The following TECPR2 variants were observed in gnomAD, a reference collection of about 807,000 sequenced individuals.
TECPR2 encodes tectonin beta-propeller repeat-containing protein 2.
In TECPR2, 65 loss-of-function variants were observed where a neutral mutation model predicts 138.1. The observed-to-expected ratio is 0.47, with a 90% CI of 0.39 to 0.58. The LOEUF (loss-of-function observed/expected upper bound fraction) is 0.58, where lower values mean the gene tolerates loss of function less well. Ranked by LOEUF, TECPR2 falls within the 20% of genes least tolerant of loss-of-function variation. The pLI is 0.00. For synonymous variants in TECPR2, 746 were observed against 749.8 expected, an observed-to-expected ratio of 0.99 and a Z score of 0.08; for missense variants, 1,553 against 1,824.5, an observed-to-expected ratio of 0.85 and a Z score of 2.71.
rs375876069 is a variant in TECPR2, at chr14:102,449,568, CAG to C, written c.3076-56_3076-55del. The C allele has an allele frequency of 1.7e-4, 273 of 1,598,016 alleles. 4 individuals are homozygous for C. In the Middle Eastern group the frequency reaches 2.8e-3, roughly 16 times the overall value. On this transcript the variant is annotated intron_variant, in intron 13 of 19. Coordinates refer to ENST00000359520, the MANE Select transcript of TECPR2 (RefSeq NM_014844.5). ...CCTGAGCTAGAACCTTCCCTCAAGG[CAG>C]AGAGTCTACACTTGTAACTGCTCTG...
At chr14:102,382,957 C>T (rs1887878632) in intron 2 of TECPR2, among the ~76,000 whole-genome samples, 1 of 152,120 alleles carries the variant, frequency 6.6e-6, no homozygotes, top group Non-Finnish European at 1.5e-5. Context: ...GGGGTTTCAC[C>T]ACGTTGGCCA....
intron 2 of TECPR2, among the ~76,000 whole-genome samples, chr14:102,381,653 T>C (rs1210983874): frequency 6.6e-6 from 1 of 152,106 alleles, no homozygotes; most frequent in Non-Finnish European, 1.5e-5. Context: ...AAAGGTGAAA[T>C]GAAAGTATTA....
At position 102,428,244 on chromosome 14, in the gene TECPR2, T is replaced by TTTTAAA; in HGVS notation, c.952-6_952-5insTTTAAA. On this transcript the variant is annotated splice_polypyrimidine_tract_variant and splice_region_variant and intron_variant, in intron 6 of 19. Transcript: ENST00000359520. ...TTTGTTTTTTTTTTTTTTTTTTTTT[T>TTTTAAA]GACAGGCCACAGTTGCTGGTTTGGA... is the stretch of plus-strand genomic sequence containing the variant. 1 of 1,350,742 alleles carries TTTTAAA rather than the reference T, an allele frequency of 7.4e-7. No homozygotes were observed. The highest frequency in any genetic ancestry group is 9.8e-7 in the Non-Finnish European group (1 of 1,019,606). The allele number at this position is 1,350,742 out of a possible 1,614,324, so 83.7% of individuals were successfully genotyped here. A position where few individuals can be genotyped will look rare whatever the true frequency, so the allele number is the denominator to read the frequency against.
At chr14:102,457,869 C>CTTT (rs748372168) in intron 16 of TECPR2, among the ~76,000 whole-genome samples, 2,369 of 102,610 alleles carry the variant, frequency 0.023, 185 homozygotes, top group African/African-American at 0.041. Context: ...ACTAAATTCC[C>CTTT]TTTTTTTTTT....
Position 102,500,152 on chromosome 14 carries a change from G to C in TECPR2, c.*1895G>C, listed in dbSNP as rs1891405091. The C allele has an allele frequency of 6.6e-6, 1 of 152,670 alleles. No homozygotes were observed. Among genetic ancestry groups the C allele is most frequent in the African/African-American group, 2.4e-5 (1 of 41,464 alleles). The allele number at this position is 152,670 out of a possible 1,614,324, so 9.5% of individuals were successfully genotyped here. ...TAATTTTTAGTTGTGCTTTGAGTCAGTGCAATAAACTAGACTTTTTCCAAA... is the reference window on the plus strand; with the variant it reads ...TAATTTTTAGTTGTGCTTTGAGTCACTGCAATAAACTAGACTTTTTCCAAA... On this transcript the variant is annotated 3_prime_UTR_variant, in exon 20 of 20. Transcript: ENST00000359520.
At chr14:102,413,188 G>T (rs1372970775) in intron 4 of TECPR2, among the ~76,000 whole-genome samples, 1 of 151,902 alleles carries the variant, frequency 6.6e-6, no homozygotes, top group Non-Finnish European at 1.5e-5. Context: ...AAAATTCATA[G>T]AATTGTATAC....
intron 17 of TECPR2, chr14:102,465,761 A>G (rs1423187261): frequency 1.0e-5 from 6 of 581,526 alleles, no homozygotes; most frequent in South Asian, 7.6e-5. Flanking sequence ...AGCTCCTGCC[A>G]TGTTTCAGCT....
At chr14:102,430,706 G>A (rs1304833399) in intron 7 of TECPR2, among the ~76,000 whole-genome samples, 2 of 152,210 alleles carry the variant, frequency 1.3e-5, no homozygotes, top group African/African-American at 2.4e-5. Flanking sequence ...AAGCTCACTG[G>A]CCCTTGGGCT....
chr14:102,410,942 A>G (rs1185601407), intron 4 of TECPR2, among the ~76,000 whole-genome samples: 1 of 152,304 alleles, frequency 6.6e-6, no homozygotes, highest in African/African-American at 2.4e-5. Context: ...CTCTCTAATC[A>G]GATATCCTGA....
intron 2 of TECPR2, among the ~76,000 whole-genome samples, chr14:102,392,753 G>A (rs1888211424): frequency 6.6e-6 from 1 of 152,118 alleles, no homozygotes. Flanking sequence ...GATCGGGACT[G>A]CTCCACAGAT....
chr14:102,384,846 C>CTTT (rs58616138), intron 2 of TECPR2, among the ~76,000 whole-genome samples: 47 of 99,396 alleles, frequency 4.7e-4, no homozygotes, highest in African/African-American at 1.1e-3. Flanking sequence ...TTTTCCTTTC[C>CTTT]TTTTTTTTTT....
intron 17 of TECPR2, among the ~76,000 whole-genome samples, chr14:102,481,854 C>G (rs1016337856): frequency 6.6e-6 from 1 of 152,106 alleles, no homozygotes; most frequent in Admixed American, 6.6e-5. Context: ...CCCCGTCCCC[C>G]ATTCCCCCAG....
At chr14:102,400,172 A>G (rs2139684692) in intron 2 of TECPR2, among the ~76,000 whole-genome samples, 1 of 151,726 alleles carries the variant, frequency 6.6e-6, no homozygotes, top group Admixed American at 6.6e-5. Context: ...CAGCCTCCCA[A>G]GTAGCTGGGA....
Position 102,407,536 on chromosome 14 carries a change from T to A in TECPR2, c.348+70T>A, listed in dbSNP as rs1257983590. ...CCTCATGGATTTTTAAAATTAGAAA[T>A]CCTCATCTGCTTAGAAAGTTTATGC... is the stretch of plus-strand genomic sequence containing the variant. On this transcript the variant is annotated intron_variant, in intron 3 of 19. Coordinates refer to ENST00000359520, the MANE Select transcript of TECPR2 (RefSeq NM_014844.5). The A allele has an allele frequency of 2.6e-6, 4 of 1,515,620 alleles. No individual in the cohort carries two copies. The Admixed American group carries it at 6.2e-5, about 24-fold the overall frequency. 93.9% of individuals were successfully genotyped at this position (1,515,620 alleles called of 1,614,324 possible). A position where few individuals can be genotyped will look rare whatever the true frequency, so the allele number is the denominator to read the frequency against.
intron 2 of TECPR2, 30 bp from the exon 3 acceptor site, chr14:102,407,306 TAC>T: frequency 1.3e-6 from 2 of 1,569,240 alleles, no homozygotes; most frequent in Non-Finnish European, 1.7e-6. Flanking sequence ...CCTGCATAGT[TAC>T]AGATTCATTT....
chr14:102,422,985 C>T (rs141432242), intron 5 of TECPR2, among the ~76,000 whole-genome samples: 12 of 152,306 alleles, frequency 7.9e-5, no homozygotes, highest in Non-Finnish European at 1.6e-4. Flanking sequence ...ATTACGTGTT[C>T]TGTTTTTAGA....
chr14:102,463,173 C>A (rs1443971491), intron 16 of TECPR2, among the ~76,000 whole-genome samples: 1 of 152,138 alleles, frequency 6.6e-6, no homozygotes, highest in Non-Finnish European at 1.5e-5. Flanking sequence ...GTAATCCCAG[C>A]ACTTTGGGAG....
chr14:102,430,533 A>T (rs769749626), intron 7 of TECPR2, among the ~76,000 whole-genome samples: 6 of 152,240 alleles, frequency 3.9e-5, no homozygotes, highest in Non-Finnish European at 7.3e-5. Flanking sequence ...ATGTCCCAGC[A>T]GCTAGCCCTG....
intron 4 of TECPR2, among the ~76,000 whole-genome samples, chr14:102,411,686 C>A (rs1337235599): frequency 1.9e-5 from 1 of 53,944 alleles, no homozygotes; most frequent in African/African-American, 8.7e-5. Context: ...GTGAAATAAA[C>A]AGCCATGTTG....
Sources: allele counts gnomAD v4.1 joint callset (sites outside exome capture counted in the v4.1 genomes callset), GRCh38; gene constraint gnomAD v4.1.1; transcripts MANE v1.5; gene names NCBI Gene and HGNC (gene_info 2026-07-23, HGNC 2026-07-21).